Variants in GAREM1 observed in about 807,000 individuals in gnomAD.
The protein encoded by GAREM1 is GRB2 associated regulator of MAPK1 subtype 1, also known as GRB2-associated and regulator of MAPK protein 1.
A neutral mutation model predicts 71.3 loss-of-function variants in GAREM1; 26 were observed. The observed-to-expected ratio is 0.36, with a 90% confidence interval of 0.27 to 0.51. GAREM1 has a LOEUF of 0.51. Among genes scored for constraint, GAREM1 ranks in the 20% least tolerant of loss-of-function variants. The probability of loss-of-function intolerance (pLI) is 0.95; values close to 1 mark genes in which losing one functional copy is unlikely to be tolerated. For missense variants in GAREM1, 1,026 were observed against 1,103.1 expected, an observed-to-expected ratio of 0.93 and a Z score of 0.99; for synonymous variants, 440 against 433.2, an observed-to-expected ratio of 1.02 and a Z score of -0.20.
intron 2 of GAREM1, among the ~76,000 whole-genome samples, chr18:32,369,067 T>C (rs2047952882): frequency 6.6e-6 from 1 of 152,242 alleles, no homozygotes; most frequent in African/African-American, 2.4e-5. Flanking sequence ...TTTATCATAT[T>C]GCCTTCCCCA....
intron 1 of GAREM1, among the ~76,000 whole-genome samples, chr18:32,427,433 C>A (rs777545186): frequency 6.6e-6 from 1 of 152,132 alleles, no homozygotes; most frequent in Non-Finnish European, 1.5e-5. Flanking sequence ...GAGAGAGAAC[C>A]AGGAATGTCT....
intron 2 of GAREM1, among the ~76,000 whole-genome samples, chr18:32,336,286 C>T (rs182973100): frequency 0.01 from 1,544 of 152,048 alleles, 14 homozygotes; most frequent in Admixed American, 0.015. Context: ...AAAAATTAGC[C>T]GGCCGTGGTG....
At chr18:32,296,995 C>T (rs1220194339) in intron 3 of GAREM1, among the ~76,000 whole-genome samples, 1 of 152,182 alleles carries the variant, frequency 6.6e-6, no homozygotes, top group East Asian at 1.9e-4. Flanking sequence ...CTAATACCCA[C>T]AGTCCACACC....
intron 1 of GAREM1, among the ~76,000 whole-genome samples, chr18:32,417,596 T>G (rs1006062977): frequency 3.3e-5 from 5 of 152,174 alleles, no homozygotes; most frequent in African/African-American, 1.2e-4. Context: ...GAGGTCATTA[T>G]GTTAAGTGAA....
At chr18:32,358,326 C>G (rs1420252964) in intron 2 of GAREM1, among the ~76,000 whole-genome samples, 1 of 151,960 alleles carries the variant, frequency 6.6e-6, no homozygotes, top group Non-Finnish European at 1.5e-5. Context: ...GGACATAGCT[C>G]ATTACAGGAG....
At chr18:32,466,431 G>A (rs67352902) in intron 1 of GAREM1, among the ~76,000 whole-genome samples, 5,711 of 152,186 alleles carry the variant, frequency 0.038, 135 homozygotes, top group Non-Finnish European at 0.056. Context: ...TTTAAAATAT[G>A]AATAGTTACA....
intron 1 of GAREM1, among the ~76,000 whole-genome samples, chr18:32,400,009 A>G (rs1157715973): frequency 6.6e-6 from 1 of 152,242 alleles, no homozygotes; most frequent in Non-Finnish European, 1.5e-5. Flanking sequence ...AGCCCTCAGA[A>G]ATAATACCAC....
At chr18:32,272,024 C>T (rs1004393855) in intron 4 of GAREM1, among the ~76,000 whole-genome samples, 1 of 152,168 alleles carries the variant, frequency 6.6e-6, no homozygotes, top group Non-Finnish European at 1.5e-5. Context: ...GCTATGTTCC[C>T]ACCAAGTTTT....
intron 1 of GAREM1, among the ~76,000 whole-genome samples, chr18:32,447,034 CAT>C (rs1319221674): frequency 6.6e-6 from 1 of 152,216 alleles, no homozygotes; most frequent in East Asian, 1.9e-4. Flanking sequence ...GTCCTGTATC[CAT>C]AGAGAGCACT....
At chr18:32,343,330 T>G (rs2144579120) in intron 2 of GAREM1, among the ~76,000 whole-genome samples, 1 of 151,058 alleles carries the variant, frequency 6.6e-6, no homozygotes, top group Admixed American at 6.6e-5. Flanking sequence ...TTTTTTTTTT[T>G]TTGAGACAGA....
chr18:32,456,359 T>G (rs958790132), intron 1 of GAREM1, among the ~76,000 whole-genome samples: 1 of 152,088 alleles, frequency 6.6e-6, no homozygotes, highest in African/African-American at 2.4e-5. Context: ...GAATCACTGA[T>G]AGGGAAATGC....
At chr18:32,311,035 C>T (rs182450512) in intron 2 of GAREM1, among the ~76,000 whole-genome samples, 7 of 152,066 alleles carry the variant, frequency 4.6e-5, no homozygotes, top group East Asian at 1.9e-4. Flanking sequence ...GAAATTCATG[C>T]GAGTAGGCCA....
At chr18:32,450,251 C>A (rs1476028862) in intron 1 of GAREM1, among the ~76,000 whole-genome samples, 2 of 152,162 alleles carry the variant, frequency 1.3e-5, no homozygotes, top group African/African-American at 4.8e-5. Context: ...CTCTTCCCTG[C>A]TGGATTAGAA....
rs1020017804 is a variant in GAREM1 at position 32,309,058 on chromosome 18, C to T, written c.393+1135G>A. On this transcript the variant is annotated intron_variant, in intron 3 of 5. Coordinates refer to ENST00000269209, the MANE Select transcript of GAREM1 (RefSeq NM_001242409.2). ...TTTCTAAGAAACAGGAATCTTGACCCCCTAAATCTTGAAATGTTTGGAAAA... is the reference window on the plus strand; with the variant it reads ...TTTCTAAGAAACAGGAATCTTGACCTCCTAAATCTTGAAATGTTTGGAAAA... Among the ~76,000 whole-genome samples, 23 of 150,204 alleles carry T rather than the reference C, an allele frequency of 1.5e-4. 3 individuals are homozygous for T. Among genetic ancestry groups the T allele is most frequent in the African/African-American group, 5.7e-4 (23 of 40,570 alleles).
chr18:32,350,540 T>TA (rs1334442408), intron 2 of GAREM1, among the ~76,000 whole-genome samples: 1 of 152,172 alleles, frequency 6.6e-6, no homozygotes, highest in Non-Finnish European at 1.5e-5. Flanking sequence ...TACTCAAACT[T>TA]ATGATATTTC....
chr18:32,427,717 G>A (rs1043449946), intron 1 of GAREM1, among the ~76,000 whole-genome samples: 1 of 152,176 alleles, frequency 6.6e-6, no homozygotes, highest in Non-Finnish European at 1.5e-5. Context: ...TAACCTTGGA[G>A]AGAAAAACTG....
intron 2 of GAREM1, among the ~76,000 whole-genome samples, chr18:32,322,369 T>A (rs1489091624): frequency 6.6e-6 from 1 of 152,208 alleles, no homozygotes; most frequent in African/African-American, 2.4e-5. Flanking sequence ...AAAATCCATC[T>A]AGATCCATCC....
rs146296120 is a variant in GAREM1, at chr18:32,297,670, AAATATCATTAC to A, written c.394-9478_394-9468del. Among the ~76,000 whole-genome samples, 216 of 152,340 alleles carry A rather than the reference AAATATCATTAC, an allele frequency of 1.4e-3. 1 individual carries two copies. The highest frequency in any genetic ancestry group is 2.1e-3 in the Non-Finnish European group (142 of 68,034). Reference sequence around the variant, plus strand: ...AAACTTAATGCCAGAATAGAGCCTGAAATATCATTACAATTATATCCCAAAGGATGTGAACA... The same window carrying A: ...AAACTTAATGCCAGAATAGAGCCTGAAATTATATCCCAAAGGATGTGAACA... On this transcript the variant is annotated intron_variant, in intron 3 of 5. Transcript: ENST00000269209.
chr18:32,405,175 G>A (rs944027959), intron 1 of GAREM1, among the ~76,000 whole-genome samples: 2 of 152,002 alleles, frequency 1.3e-5, no homozygotes, highest in Non-Finnish European at 2.9e-5. Context: ...CCAAACCACT[G>A]TACTTCTCTT....
Sources: gnomAD v4.1 joint callset for allele counts (sites outside exome capture counted in the v4.1 genomes callset) on GRCh38, gnomAD v4.1.1 for gene constraint, MANE v1.5 for transcripts, NCBI Gene and HGNC (gene_info 2026-07-23, HGNC 2026-07-21) for gene names.